The following TEKT5 variants were observed in gnomAD, a reference collection of about 807,000 sequenced individuals.
The protein encoded by TEKT5 is tektin-5.
In TEKT5, 52 loss-of-function variants were observed where a neutral mutation model predicts 48.7. The ratio of observed to expected loss-of-function variants is 1.07; its 90% CI spans 0.86 to 1.35. The LOEUF is 1.35. TEKT5 is among the 40% of genes most tolerant of loss of function. TEKT5 has a pLI of 0.00. For synonymous variants in TEKT5, 318 were observed against 267.6 expected (o/e 1.19, Z -1.84); for missense variants, 831 against 641.6 (o/e 1.30, Z -3.19).
intron 5 of TEKT5, among the ~76,000 whole-genome samples, chr16:10,637,160 A>G (rs1247869433): frequency 6.6e-6 from 1 of 150,742 alleles, no homozygotes; most frequent in African/African-American, 2.4e-5. Flanking sequence ...TTTTTTTTAT[A>G]TTTTTAGTAG....
intron 5 of TEKT5, among the ~76,000 whole-genome samples, chr16:10,664,874 T>C (rs1200168930): frequency 6.6e-6 from 1 of 152,216 alleles, no homozygotes; most frequent in African/African-American, 2.4e-5. Context: ...TTATAGCTAA[T>C]AGTCATTATC....
intron 5 of TEKT5, among the ~76,000 whole-genome samples, chr16:10,646,597 T>A (rs895454979): frequency 2.6e-5 from 4 of 152,172 alleles, no homozygotes; most frequent in Non-Finnish European, 4.4e-5. Context: ...AAACAGAATT[T>A]TTTTTTTCAA....
intron 5 of TEKT5, among the ~76,000 whole-genome samples, chr16:10,652,683 ACACACACACACACACACACACACACACAC>A (rs1898183117): frequency 5.7e-5 from 1 of 17,444 alleles, no homozygotes; most frequent in Non-Finnish European, 9.4e-5. Context: ...ACACAGGCAG[ACACACACACACACACACACACACACACAC>A]ACACACACAC....
intron 5 of TEKT5, among the ~76,000 whole-genome samples, chr16:10,643,915 G>A (rs556876144): frequency 3.9e-5 from 6 of 152,122 alleles, no homozygotes; most frequent in African/African-American, 1.2e-4. Flanking sequence ...GGTGGCAGGC[G>A]CCTGTAATCC....
At chr16:10,637,338 C>T (rs1897929973) in intron 5 of TEKT5, among the ~76,000 whole-genome samples, 1 of 130,448 alleles carries the variant, frequency 7.7e-6, no homozygotes, top group South Asian at 2.5e-4. Flanking sequence ...ACCCAGCCCG[C>T]TTTAAAAAAA....
chr16:10,653,384 C>T (rs1320341685), intron 5 of TEKT5, among the ~76,000 whole-genome samples: 2 of 152,206 alleles, frequency 1.3e-5, no homozygotes, highest in Non-Finnish European at 2.9e-5. Context: ...GACTGGGGAG[C>T]AGGAGTCCTA....
intron 5 of TEKT5, 128 bp downstream of exon 5, chr16:10,675,831 A>T: frequency 1.1e-6 from 1 of 880,346 alleles, no homozygotes; most frequent in South Asian, 1.6e-5. Context: ...AAGACCACAG[A>T]CCTTGGGAGA....
At chr16:10,645,799 ACT>A (rs1898061532) in intron 5 of TEKT5, among the ~76,000 whole-genome samples, 1 of 152,194 alleles carries the variant, frequency 6.6e-6, no homozygotes, top group Admixed American at 6.5e-5. Flanking sequence ...CAAGAGTGAA[ACT>A]CTGTCTCAAA....
chr16:10,655,667 C>A (rs1276507372), intron 5 of TEKT5, among the ~76,000 whole-genome samples: 2 of 152,170 alleles, frequency 1.3e-5, no homozygotes, highest in Non-Finnish European at 2.9e-5. Flanking sequence ...GTTTGGGACT[C>A]TTGGGAAGTC....
intron 5 of TEKT5, among the ~76,000 whole-genome samples, chr16:10,649,115 A>ATTTATT (rs146650673): frequency 0.1 from 15,685 of 151,510 alleles, 904 homozygotes; most frequent in African/African-American, 0.17. Context: ...ATACCTGGCT[A>ATTTATT]TTTATTTTTA....
rs35329984 is a variant in TEKT5, at chr16:10,637,341, TA to T, written c.1087-1424del. On this transcript the variant is annotated intron_variant, in intron 5 of 6. Coordinates refer to ENST00000283025, the MANE Select transcript of TEKT5 (RefSeq NM_144674.2). ...ATGAGCCACCACACCCAGCCCGCTT[TA>T]AAAAAAAAAAAAATCCAGAGTTTAC... Among the ~76,000 whole-genome samples the T allele has an allele frequency of 4.9e-3, 681 of 138,516 alleles. 3 individuals are homozygous for T. Among genetic ancestry groups the T allele is most frequent in the African/African-American group, 8.5e-3 (319 of 37,714 alleles). 90.9% of individuals were successfully genotyped at this position (138,516 alleles called of 152,430 possible).
intron 4 of TEKT5, among the ~76,000 whole-genome samples, chr16:10,681,510 C>A (rs28625692): frequency 0.026 from 3,906 of 152,070 alleles, 156 homozygotes; most frequent in East Asian, 0.17. Context: ...ACAAGCCTGG[C>A]GAAGCAAGAA....
intron 5 of TEKT5, among the ~76,000 whole-genome samples, chr16:10,665,683 G>T (rs1197227322): frequency 6.6e-6 from 1 of 152,160 alleles, no homozygotes; most frequent in Non-Finnish European, 1.5e-5. Context: ...AATTTCCCAT[G>T]TCTGAACTCC....
intron 4 of TEKT5, among the ~76,000 whole-genome samples, chr16:10,678,097 A>G (rs1898680649): frequency 6.6e-6 from 1 of 152,120 alleles, no homozygotes; most frequent in Admixed American, 6.5e-5. Context: ...GGCTTTGAGG[A>G]AGGGCATGCA....
At chr16:10,641,047 T>G (rs1170219414) in intron 5 of TEKT5, among the ~76,000 whole-genome samples, 1 of 152,194 alleles carries the variant, frequency 6.6e-6, no homozygotes, top group African/African-American at 2.4e-5. Context: ...TTTTAGAAAC[T>G]GTCAAAGTTT....
In TEKT5 at chr16:10,637,273, G is replaced by T. The variant is rs1215189148; in HGVS notation, c.1087-1355C>A. On this transcript the variant is annotated intron_variant, in intron 5 of 6. Coordinates refer to ENST00000283025, the MANE Select transcript of TEKT5 (RefSeq NM_144674.2). Reference sequence around the variant, plus strand: ...CTTGTCTCAAACTCCTGACCTCAAGGGATCCACCTGCCTCGGCCTCCCAAA... The same window carrying T: ...CTTGTCTCAAACTCCTGACCTCAAGTGATCCACCTGCCTCGGCCTCCCAAA... 2.0e-5 allele frequency among the ~76,000 whole-genome samples: 3 copies of T among 151,612 alleles called. No individual in the cohort carries two copies. In the East Asian group the frequency reaches 5.8e-4, roughly 29 times the overall value.
chr16:10,686,487 A>G (rs2142312658), intron 3 of TEKT5, among the ~76,000 whole-genome samples: 1 of 152,252 alleles, frequency 6.6e-6, no homozygotes, highest in African/African-American at 2.4e-5. Flanking sequence ...TAAAGACTAA[A>G]ATGTAACACC....
intron 5 of TEKT5, among the ~76,000 whole-genome samples, chr16:10,662,399 T>G (rs1489033874): frequency 6.6e-6 from 1 of 152,014 alleles, no homozygotes; most frequent in Non-Finnish European, 1.5e-5. Flanking sequence ...ACTTGTGGAG[T>G]CCTAAGTCAG....
intron 1 of TEKT5, chr16:10,690,755 G>A: frequency 2.0e-6 from 2 of 985,382 alleles, no homozygotes; most frequent in Non-Finnish European, 2.4e-6. Flanking sequence ...GCTTTTCAGG[G>A]GCGCTCTATG....
Sources: gnomAD v4.1 joint callset for allele counts (sites outside exome capture counted in the v4.1 genomes callset) on GRCh38, gnomAD v4.1.1 for gene constraint, MANE v1.5 for transcripts, NCBI Gene and HGNC (gene_info 2026-07-23, HGNC 2026-07-21) for gene names.